Variants in SLC25A36 observed in about 807,000 individuals in gnomAD.
SLC25A36 encodes solute carrier family 25 member 36.
Under a neutral mutation model 35.3 loss-of-function variants are expected in SLC25A36, and 24 were observed. That is an observed-to-expected ratio of 0.68 (90% CI 0.49 to 0.96). The LOEUF (loss-of-function observed/expected upper bound fraction) is 0.96, where lower values mean the gene tolerates loss of function less well. Ranked by LOEUF, SLC25A36 falls within the 40% of genes least tolerant of loss-of-function variation. SLC25A36 has a pLI of 0.00. For missense variants in SLC25A36, 294 were observed against 381.1 expected, an observed-to-expected ratio of 0.77 and a Z score of 1.90; for synonymous variants, 141 against 132.2, an observed-to-expected ratio of 1.07 and a Z score of -0.46.
rs1935112098 is a variant in SLC25A36 at position 140,978,584 on chromosome 3, G to A, written c.*2131G>A. 1.3e-5 allele frequency: 2 copies of A among 152,168 alleles called. No homozygotes were observed. The highest frequency in any genetic ancestry group is 4.8e-5 in the African/African-American group (2 of 41,450). 9.4% of individuals were successfully genotyped at this position (152,168 alleles called of 1,614,324 possible). On this transcript the variant is annotated 3_prime_UTR_variant, in exon 7 of 7. Transcript: ENST00000324194. ...ATATTCATAACAAGTGTCCTTCAAG[G>A]ATAAACATATATTCTCTATTTGTAT...
chr3:140,953,039 A>C (rs1934371317), intron 1 of SLC25A36, among the ~76,000 whole-genome samples: 1 of 152,242 alleles, frequency 6.6e-6, no homozygotes, highest in Non-Finnish European at 1.5e-5. Context: ...ATGGTTTGCC[A>C]TAAATAGATC....
chr3:140,952,607 T>C (rs1345862317), intron 1 of SLC25A36, among the ~76,000 whole-genome samples: 1 of 152,054 alleles, frequency 6.6e-6, no homozygotes, highest in African/African-American at 2.4e-5. Context: ...TAGCTAATAT[T>C]TATTGAGCAC....
chr3:140,963,259 A>T, intron 4 of SLC25A36, 32 bp downstream of exon 4: 2 of 1,308,708 alleles, frequency 1.5e-6, no homozygotes, highest in Non-Finnish European at 2.1e-6. Context: ...AAAAAAAAAA[A>T]CTTTCTGAAA....
intron 2 of SLC25A36, 74 bp from the exon 3 acceptor site, chr3:140,959,389 A>C (rs1177671863): frequency 4.8e-6 from 4 of 831,320 alleles, no homozygotes; most frequent in Non-Finnish European, 7.3e-6. Flanking sequence ...TTAGACTCTA[A>C]CTTTATATAC....
intron 1 of SLC25A36, among the ~76,000 whole-genome samples, chr3:140,950,724 T>A (rs558556759): frequency 3.9e-5 from 6 of 152,346 alleles, no homozygotes; most frequent in Admixed American, 3.9e-4. Context: ...ATGTGACCTT[T>A]TTTCTTTCTG....
At chr3:140,972,070 A>C (rs915003115) in intron 5 of SLC25A36, among the ~76,000 whole-genome samples, 3 of 152,310 alleles carry the variant, frequency 2.0e-5, no homozygotes, top group African/African-American at 7.2e-5. Context: ...GCAAAACTCC[A>C]AGTTTATTTC....
intron 1 of SLC25A36, among the ~76,000 whole-genome samples, chr3:140,956,184 T>TTA (rs775467709): frequency 2.0e-4 from 30 of 152,260 alleles, no homozygotes; most frequent in Admixed American, 3.9e-4. Context: ...GAGCCACAAG[T>TTA]TATATATATA....
At chr3:140,967,564 G>A (rs1934793191) in intron 4 of SLC25A36, among the ~76,000 whole-genome samples, 1 of 151,088 alleles carries the variant, frequency 6.6e-6, no homozygotes, top group African/African-American at 2.4e-5. Flanking sequence ...AGGTTAGGTG[G>A]GCTTTGTTCT....
chr3:140,963,129 C>G lies in SLC25A36; in HGVS notation c.287C>G (p.Ala96Gly), dbSNP rs1241507045. The change falls in exon 4 of 7, where the codon GCA becomes GGA. Residue 96 changes from alanine to glycine, a missense_variant and splice_region_variant. Ala to Gly is a moderately conservative substitution (Grantham distance 60, BLOSUM62 0). Around this residue, in one of 2 missense-constraint regions of SLC25A36, gnomAD observed 185 missense variants for 201.5 expected, o/e 0.92. Coordinates refer to ENST00000324194, the MANE Select transcript of SLC25A36 (RefSeq NM_001104647.3). Reference sequence around the variant, plus strand: ...ATAAATCTAAATCTCTATTTTAGAGCAATATACTTTGCTGCTTATTCAAAC... The same window carrying G: ...ATAAATCTAAATCTCTATTTTAGAGGAATATACTTTGCTGCTTATTCAAAC... ...PNLVGVAPSRAIYFAAYSNCK... is the reference protein window; with the variant it reads ...PNLVGVAPSRGIYFAAYSNCK... The G allele has an allele frequency of 6.4e-7, 1 of 1,563,268 alleles. No individual in the cohort carries two copies. The highest frequency in any genetic ancestry group is 1.2e-5 in the South Asian group (1 of 83,214).
intron 1 of SLC25A36, among the ~76,000 whole-genome samples, chr3:140,951,669 A>C (rs146213624): frequency 2.4e-4 from 36 of 151,414 alleles, no homozygotes; most frequent in African/African-American, 8.3e-4. Flanking sequence ...GTGTGTGTGT[A>C]TTTTCAGTAG....
rs1273917655 is a variant in SLC25A36, at chr3:140,978,892, CAT to C, written c.*2440_*2441del. On this transcript the variant is annotated 3_prime_UTR_variant, in exon 7 of 7. Coordinates refer to ENST00000324194, the MANE Select transcript of SLC25A36 (RefSeq NM_001104647.3). ...CTTTGAAGTTTTTAAAAAATCGACT[CAT>C]GTTTAAAAACAAAAACACATATTCA... The C allele has an allele frequency of 2.0e-5, 3 of 151,254 alleles. No homozygotes were observed. Among genetic ancestry groups the C allele is most frequent in the Admixed American group, 1.3e-4 (2 of 15,198 alleles). 9.4% of individuals were successfully genotyped at this position (151,254 alleles called of 1,614,324 possible).
At chr3:140,950,926 G>C (rs528200045) in intron 1 of SLC25A36, among the ~76,000 whole-genome samples, 1 of 144,826 alleles carries the variant, frequency 6.9e-6, no homozygotes, top group Admixed American at 6.7e-5. Flanking sequence ...GTCTGTGTGT[G>C]TGTGTGTGTG....
intron 3 of SLC25A36, among the ~76,000 whole-genome samples, chr3:140,960,456 C>T (rs1247266700): frequency 6.6e-6 from 1 of 152,122 alleles, no homozygotes; most frequent in East Asian, 1.9e-4. Context: ...TCACTTTCCA[C>T]ATAGAAATTA....
At chr3:140,954,817 A>G (rs1465187250) in intron 1 of SLC25A36, among the ~76,000 whole-genome samples, 5 of 152,104 alleles carry the variant, frequency 3.3e-5, no homozygotes, top group African/African-American at 9.7e-5. Context: ...AGTTTCTTTC[A>G]GAGTAGAAGT....
intron 1 of SLC25A36, among the ~76,000 whole-genome samples, chr3:140,947,390 A>G (rs1934195213): frequency 6.6e-6 from 1 of 152,114 alleles, no homozygotes; most frequent in Non-Finnish European, 1.5e-5. Flanking sequence ...TTTATTTCTC[A>G]GTCTCGTATC....
At chr3:140,969,489 G>A (rs1360341793) in intron 4 of SLC25A36, among the ~76,000 whole-genome samples, 1 of 151,828 alleles carries the variant, frequency 6.6e-6, no homozygotes, top group African/African-American at 2.4e-5. Context: ...AGTATTAAAG[G>A]AATTATTTAA....
chr3:140,954,525 G>C (rs967131231), intron 1 of SLC25A36, among the ~76,000 whole-genome samples: 1 of 152,210 alleles, frequency 6.6e-6, no homozygotes, highest in Non-Finnish European at 1.5e-5. Context: ...GAGATTTCCA[G>C]TTCAGCGGTT....
chr3:140,961,782 G>T (rs541538978), intron 3 of SLC25A36, among the ~76,000 whole-genome samples: 1 of 148,544 alleles, frequency 6.7e-6, no homozygotes, highest in East Asian at 2.0e-4. Flanking sequence ...CGTGAACCCG[G>T]GAGGCGGAGC....
At chr3:140,947,404 C>T (rs570348144) in intron 1 of SLC25A36, among the ~76,000 whole-genome samples, 2 of 152,218 alleles carry the variant, frequency 1.3e-5, no homozygotes, top group Admixed American at 6.5e-5. Context: ...TCGTATCTTA[C>T]TATTTTTCCT....
Sources: gnomAD v4.1 joint callset for allele counts (sites outside exome capture counted in the v4.1 genomes callset) on GRCh38, gnomAD v4.1.1 for gene constraint, gnomAD v4.1.1 regional missense constraint, MANE v1.5 for transcripts, NCBI Gene and HGNC (gene_info 2026-07-23, HGNC 2026-07-21) for gene names.